Variants in SETD3 observed in about 807,000 individuals in gnomAD.
The protein encoded by SETD3 is SET domain containing 3, actin N3(tau)-histidine methyltransferase.
In SETD3, 19 loss-of-function variants were observed where a neutral mutation model predicts 63.0. The observed-to-expected ratio is 0.30, with a 90% CI of 0.21 to 0.44. The LOEUF is 0.44. Ranked by LOEUF, SETD3 falls within the 20% of genes least tolerant of loss-of-function variation. The pLI is 1.00. For missense variants in SETD3, 587 were observed against 728.5 expected (o/e 0.81, Z 2.24); for synonymous variants, 286 against 264.1 (o/e 1.08, Z -0.80).
Position 99,404,395 on chromosome 14 carries a change from T to C in SETD3, c.1092-85A>G, listed in dbSNP as rs1259996122. 6 of 1,210,128 alleles carry C rather than the reference T, an allele frequency of 5.0e-6. No homozygotes were observed. The African/African-American group carries it at 9.0e-5, about 18-fold the overall frequency. 75.0% of individuals were successfully genotyped at this position (1,210,128 alleles called of 1,614,324 possible). On this transcript the variant is annotated intron_variant, in intron 10 of 12. Transcript: ENST00000331768. ...TGAGATTCCTTAAGTCTACAGCACG[T>C]GTGGTTGTCCTCAAGGAGAGCTGAG...
At chr14:99,434,691 T>C (rs1267269004) in intron 6 of SETD3, among the ~76,000 whole-genome samples, 1 of 151,130 alleles carries the variant, frequency 6.6e-6, no homozygotes, top group Non-Finnish European at 1.5e-5. Context: ...CTACTAAAAA[T>C]ACAAAATTAG....
chr14:99,456,027 A>G (rs528805155), intron 6 of SETD3, among the ~76,000 whole-genome samples: 8 of 152,186 alleles, frequency 5.3e-5, no homozygotes, highest in Admixed American at 2.0e-4. Context: ...GTGGTGGCAC[A>G]TGCCTGTAGT....
In SETD3 at chr14:99,454,630, T is replaced by C. The variant is rs182269790; in HGVS notation, c.675+3649A>G. Among the ~76,000 whole-genome samples the C allele has an allele frequency of 8.2e-3, 1,251 of 152,312 alleles. 7 individuals carry two copies. Among genetic ancestry groups the C allele is most frequent in the Non-Finnish European group, 0.012 (811 of 68,012 alleles). The stretch of plus-strand genomic sequence containing the variant: ...GAGCATTTCTACAATGAGCACTGTG[T>C]GCTAGGCACAGTGCTAAGGGCCTCA... On this transcript the variant is annotated intron_variant, in intron 6 of 12. Coordinates refer to ENST00000331768, the MANE Select transcript of SETD3 (RefSeq NM_032233.3).
At chr14:99,441,304 C>T (rs937670795) in intron 6 of SETD3, among the ~76,000 whole-genome samples, 1 of 152,210 alleles carries the variant, frequency 6.6e-6, no homozygotes. Context: ...AGAGGGCTCA[C>T]AGCCCTCAGA....
rs1891201935 is a variant in SETD3 at position 99,398,462 on chromosome 14, T to C, written c.*217A>G. 1.8e-6 allele frequency: 1 copy of C among 547,354 alleles called. No individual in the cohort carries two copies. Among genetic ancestry groups the C allele is most frequent in the East Asian group, 3.0e-5 (1 of 33,128 alleles). The allele number at this position is 547,354 out of a possible 1,614,324, so 33.9% of individuals were successfully genotyped here. A position where few individuals can be genotyped will look rare whatever the true frequency, so the allele number is the denominator to read the frequency against. On this transcript the variant is annotated 3_prime_UTR_variant, in exon 13 of 13. Transcript: ENST00000331768. ...TTCTCCCTTTCTTGTGGTTGTTTGTTAATTGGTTTGTTTTGCCTAAAAGCA... is the reference window on the plus strand; with the variant it reads ...TTCTCCCTTTCTTGTGGTTGTTTGTCAATTGGTTTGTTTTGCCTAAAAGCA...
At chr14:99,443,785 T>C (rs983482587) in intron 6 of SETD3, among the ~76,000 whole-genome samples, 4 of 152,154 alleles carry the variant, frequency 2.6e-5, no homozygotes, top group African/African-American at 9.7e-5. Flanking sequence ...AACTGTAAGA[T>C]GAAGGTTACA....
At chr14:99,429,394 A>C (rs1893051552) in intron 6 of SETD3, among the ~76,000 whole-genome samples, 1 of 152,236 alleles carries the variant, frequency 6.6e-6, no homozygotes, top group Non-Finnish European at 1.5e-5. Context: ...AGAAAAGTGA[A>C]GAAAAGGAGC....
intron 12 of SETD3, among the ~76,000 whole-genome samples, chr14:99,399,837 G>T (rs557821231): frequency 8.7e-5 from 12 of 137,902 alleles, no homozygotes; most frequent in African/African-American, 2.8e-4. Context: ...TGCAACCTCC[G>T]CCTCCTGGGT....
At chr14:99,401,057 T>C (rs1891362429) in intron 11 of SETD3, among the ~76,000 whole-genome samples, 1 of 151,572 alleles carries the variant, frequency 6.6e-6, no homozygotes, top group Non-Finnish European at 1.5e-5. Flanking sequence ...ATGGATGACT[T>C]GAACCCAGGA....
rs527722313 is a variant in SETD3, at chr14:99,416,830, T to C, written c.676-2896A>G. On this transcript the variant is annotated intron_variant, in intron 6 of 12. Coordinates refer to ENST00000331768, the MANE Select transcript of SETD3 (RefSeq NM_032233.3). The stretch of plus-strand genomic sequence containing the variant: ...TATATGAAGATGGAGAAATGAACCA[T>C]TGCCGTGGCTCATAATCAGACCTGA... Among the ~76,000 whole-genome samples the C allele has an allele frequency of 5.3e-5, 8 of 152,304 alleles. No homozygotes were observed. In the East Asian group the frequency reaches 5.8e-4, roughly 11 times the overall value.
chr14:99,422,612 T>A (rs1458647674), intron 6 of SETD3, among the ~76,000 whole-genome samples: 2 of 151,140 alleles, frequency 1.3e-5, no homozygotes, highest in African/African-American at 4.9e-5. Context: ...AATAAGTCAA[T>A]CCCACTGATT....
At chr14:99,426,759 A>AG (rs778529435) in intron 6 of SETD3, among the ~76,000 whole-genome samples, 4 of 149,454 alleles carry the variant, frequency 2.7e-5, no homozygotes, top group East Asian at 4.1e-4. Context: ...GTCCTCTCCC[A>AG]GGGGGGAGCA....
At chr14:99,434,037 A>T (rs1405223367) in intron 6 of SETD3, among the ~76,000 whole-genome samples, 1 of 152,190 alleles carries the variant, frequency 6.6e-6, no homozygotes, top group African/African-American at 2.4e-5. Context: ...TCAATACCCC[A>T]ATGATTCTTC....
Position 99,413,102 on chromosome 14 carries a change from T to C in SETD3, c.735-37A>G, listed in dbSNP as rs1471385294. The stretch of plus-strand genomic sequence containing the variant: ...TAAATGGTGACTTAAGGTTGGAACA[T>C]TTAAAAGCCAATTGCAGTAAGAAAT... On this transcript the variant is annotated intron_variant, in intron 7 of 12. Coordinates refer to ENST00000331768, the MANE Select transcript of SETD3 (RefSeq NM_032233.3). 5.5e-6 allele frequency: 7 copies of C among 1,280,468 alleles called. No individual in the cohort carries two copies. The East Asian group carries it at 1.4e-4, about 25-fold the overall frequency. 79.3% of individuals were successfully genotyped at this position (1,280,468 alleles called of 1,614,324 possible).
At chr14:99,468,566 T>A (rs528920699) in intron 1 of SETD3, among the ~76,000 whole-genome samples, 2 of 152,090 alleles carry the variant, frequency 1.3e-5, no homozygotes, top group Non-Finnish European at 2.9e-5. Context: ...AGCAAAAATA[T>A]GTAAAACACC....
At chr14:99,403,099 A>T (rs1479916380) in intron 11 of SETD3, among the ~76,000 whole-genome samples, 1 of 152,206 alleles carries the variant, frequency 6.6e-6, no homozygotes, top group African/African-American at 2.4e-5. Flanking sequence ...TATGAGGAAC[A>T]ATGACTGTAT....
At chr14:99,461,423 C>T in intron 3 of SETD3, 83 bp from the exon 4 acceptor site, 2 of 1,370,130 alleles carry the variant, frequency 1.5e-6, no homozygotes, top group Middle Eastern at 1.9e-4. Context: ...TAAAAACAGG[C>T]CATAACTAAC....
rs538205534 is a variant in SETD3, at chr14:99,398,079, A to G, written c.*600T>C. The G allele has an allele frequency of 1.4e-4, 22 of 152,706 alleles. No individual in the cohort carries two copies. Among genetic ancestry groups the G allele is most frequent in the African/African-American group, 5.1e-4 (21 of 41,558 alleles). 9.5% of individuals were successfully genotyped at this position (152,706 alleles called of 1,614,324 possible). On this transcript the variant is annotated 3_prime_UTR_variant, in exon 13 of 13. Transcript: ENST00000331768. ...ACTATATATATGTGTGTTTATATAT[A>G]TATTTTTATATAATTAGGATTATCA...
Position 99,435,390 on chromosome 14 carries a change from G to T in SETD3, c.676-21456C>A, listed in dbSNP as rs1168911938. Among the ~76,000 whole-genome samples, 3 of 152,090 alleles carry T rather than the reference G, an allele frequency of 2.0e-5. No individual in the cohort carries two copies. The East Asian group carries it at 5.8e-4, about 29-fold the overall frequency. ...TTTGTTGTGATCAGCTGTTATTCAA[G>T]TATTTTATTGACATTTAGCTTCTCC... On this transcript the variant is annotated intron_variant, in intron 6 of 12. Coordinates refer to ENST00000331768, the MANE Select transcript of SETD3 (RefSeq NM_032233.3).
Sources: allele counts gnomAD v4.1 joint callset (sites outside exome capture counted in the v4.1 genomes callset), GRCh38; gene constraint gnomAD v4.1.1; transcripts MANE v1.5; gene names NCBI Gene and HGNC (gene_info 2026-07-23, HGNC 2026-07-21).